The following NKX3-2 variants were observed in gnomAD, a reference collection of about 807,000 sequenced individuals.
The protein encoded by NKX3-2 is NK3 homeobox 2, also known as homeobox protein Nkx-3.2.
NKX3-2 carries 13 observed loss-of-function variants against 19.4 expected under a neutral mutation model. That is an observed-to-expected ratio of 0.67 (90% CI 0.44 to 1.07). NKX3-2 has a LOEUF of 1.07. Among genes scored for constraint, NKX3-2 ranks in the 50% least tolerant of loss-of-function variants. NKX3-2 has a pLI of 0.00. For synonymous variants in NKX3-2, 269 were observed against 230.5 expected, an observed-to-expected ratio of 1.17 and a Z score of -1.51; for missense variants, 562 against 488.2, an observed-to-expected ratio of 1.15 and a Z score of -1.42.
At chr4:13,547,483 G>T (rs144248652), upstream of NKX3-2, 2,922 of 271,748 alleles carry the variant, frequency 0.011, 29 homozygotes, top group Non-Finnish European at 0.014. Context: ...CAGCGTCCGC[G>T]CCTCTCTACC....
At chr4:13,544,742 A>G (rs1252355655), upstream of NKX3-2, 5 of 179,766 alleles carry the variant, frequency 2.8e-5, no homozygotes, top group African/African-American at 4.7e-5. Context: ...GGGGGACGTG[A>G]AGGAGGATTG....
upstream of NKX3-2, chr4:13,546,930 G>A (rs953036419): frequency 2.2e-5 from 10 of 456,208 alleles, no homozygotes; most frequent in African/African-American, 2.0e-4. Flanking sequence ...TGTCCCAGGA[G>A]TGTGAGAAAG....
rs1452820496 is a variant in NKX3-2 at position 13,544,114 on chromosome 4, TCTC to T, written c.298_300del (p.Glu100del). On this transcript the variant is annotated inframe_deletion, in exon 1 of 2. Transcript: ENST00000382438. ...TCCGCGCAGCGCCGCCTGCTCTCGTTCTCCTCGCTGAGCGCGGAGTCCGAGTCC... is the reference window on the plus strand; with the variant it reads ...TCCGCGCAGCGCCGCCTGCTCTCGTTCTCGCTGAGCGCGGAGTCCGAGTCC... 6.2e-7 allele frequency: 1 copy of T among 1,600,794 alleles called. No homozygotes were observed. The highest frequency in any genetic ancestry group is 8.5e-7 in the Non-Finnish European group (1 of 1,176,148).
chr4:13,544,225 C>G lies in NKX3-2; in HGVS notation c.190G>C (p.Gly64Arg), dbSNP rs202195290. 3,932 of 1,591,770 alleles carry G rather than the reference C, an allele frequency of 2.5e-3. 9 individuals carry two copies. The highest frequency in any genetic ancestry group is 2.7e-3 in the Non-Finnish European group (3,193 of 1,176,344). Residue 64 changes from glycine (G) to arginine (R), a missense_variant, in exon 1 of 2, where the codon GGG becomes CGG. By Grantham distance (125) the Gly-to-Arg change is moderately radical (BLOSUM62 -2). Coordinates refer to ENST00000382438, the MANE Select transcript of NKX3-2 (RefSeq NM_001189.4). ...LFGERDAGAL[G>R]GAEDSLLASP... ...GCCAGCAGAGAGTCCTCGGCGCCCC[C>G]CAACGCGCCCGCGTCCCTCTCCCCA...
Position 13,542,537 on chromosome 4 carries a change from C to G in NKX3-2, c.467-9G>C, listed in dbSNP as rs1450545860. ...CCTTGGGCTGCGGTCGCCTGCGGAC[C>G]CCGGTGGGAACAGAAACAAGAGACT... is the stretch of plus-strand genomic sequence containing the variant. On this transcript the variant is annotated splice_polypyrimidine_tract_variant and intron_variant, in intron 1 of 1. Transcript: ENST00000382438. The surrounding 1 kb of genome is among the most constrained non-coding windows in gnomAD (Gnocchi z 6.4). 4 of 1,596,376 alleles carry G rather than the reference C, an allele frequency of 2.5e-6. No individual in the cohort carries two copies. The South Asian group carries it at 3.3e-5, about 13-fold the overall frequency.
chr4:13,541,639 G>A lies in NKX3-2; in HGVS notation c.*354C>T. 1 of 256,326 alleles carries A rather than the reference G, an allele frequency of 3.9e-6. No individual in the cohort carries two copies. The highest frequency in any genetic ancestry group is 7.4e-6 in the Non-Finnish European group (1 of 134,444). The allele number at this position is 256,326 out of a possible 1,614,324, so 15.9% of individuals were successfully genotyped here. On this transcript the variant is annotated 3_prime_UTR_variant, in exon 2 of 2. Transcript: ENST00000382438. ...AAATTCTGAGGATTCAGGCTATGTG[G>A]TCTCCAGGAGTTGCCGCTCAGGGAA...
chr4:13,541,899 G>T lies in NKX3-2; in HGVS notation c.*94C>A. On this transcript the variant is annotated 3_prime_UTR_variant, in exon 2 of 2. Transcript: ENST00000382438. ...GGGTTTCACCTCCAGGTGCCTCCTT[G>T]GCGGGGCGCCCCGTGCAGGCTACAG... The T allele has an allele frequency of 6.6e-7, 1 of 1,511,472 alleles. No individual in the cohort carries two copies. Among genetic ancestry groups the T allele is most frequent in the Non-Finnish European group, 8.9e-7 (1 of 1,123,090 alleles). The allele number at this position is 1,511,472 out of a possible 1,614,324, so 93.6% of individuals were successfully genotyped here.
In NKX3-2 at chr4:13,541,898, T is replaced by C. The variant is rs191302851; in HGVS notation, c.*95A>G. 6.6e-7 allele frequency: 1 copy of C among 1,512,174 alleles called. No individual in the cohort carries two copies. The highest frequency in any genetic ancestry group is 1.4e-5 in the African/African-American group (1 of 72,226). The allele number at this position is 1,512,174 out of a possible 1,614,324, so 93.7% of individuals were successfully genotyped here. A position where few individuals can be genotyped will look rare whatever the true frequency, so the allele number is the denominator to read the frequency against. On this transcript the variant is annotated 3_prime_UTR_variant, in exon 2 of 2. Transcript: ENST00000382438. ...TGGGTTTCACCTCCAGGTGCCTCCT[T>C]GGCGGGGCGCCCCGTGCAGGCTACA...
chr4:13,544,423 C>A lies in NKX3-2; in HGVS notation c.-9G>T. The A allele has an allele frequency of 6.7e-7, 1 of 1,492,296 alleles. No homozygotes were observed. Among genetic ancestry groups the A allele is most frequent in the Non-Finnish European group, 8.9e-7 (1 of 1,129,724 alleles). 92.4% of individuals were successfully genotyped at this position (1,492,296 alleles called of 1,614,324 possible). ...GCGCCGCGCACAGCCATCTGCGCCGCGGGCAGGAGCGGCCGGCGGGGCGGG... is the reference window on the plus strand; with the variant it reads ...GCGCCGCGCACAGCCATCTGCGCCGAGGGCAGGAGCGGCCGGCGGGGCGGG... On this transcript the variant is annotated 5_prime_UTR_variant, in exon 1 of 2. Transcript: ENST00000382438.
chr4:13,544,338 C>G lies in NKX3-2; in HGVS notation c.77G>C (p.Gly26Ala), dbSNP rs1045741664. Residue 26 changes from glycine (G) to alanine (A), a missense_variant, in exon 1 of 2, where the codon GGG (glycine) becomes GCG (alanine). Gly to Ala is a moderately conservative substitution (Grantham distance 60). Transcript: ENST00000382438. ...CGGGCGCCCCTCTGGCGCGGCCAGC[C>G]CGCCGCGCTCCTCTTTCTTGTTGAG... Reference protein sequence around the residue: ...AILNKKEERGGLAAPEGRPAP... With the variant: ...AILNKKEERGALAAPEGRPAP... 6.5e-7 allele frequency: 1 copy of G among 1,533,440 alleles called. No homozygotes were observed. Among genetic ancestry groups the G allele is most frequent in the Non-Finnish European group, 8.7e-7 (1 of 1,147,928 alleles). The allele number at this position is 1,533,440 out of a possible 1,614,324, so 95.0% of individuals were successfully genotyped here.
In NKX3-2 at chr4:13,541,825, C is replaced by T. The variant is rs1056605836; in HGVS notation, c.*168G>A. 5.5e-6 allele frequency: 6 copies of T among 1,098,144 alleles called. No individual in the cohort carries two copies. Among genetic ancestry groups the T allele is most frequent in the Admixed American group, 5.3e-5 (2 of 37,968 alleles). The allele number at this position is 1,098,144 out of a possible 1,614,324, so 68.0% of individuals were successfully genotyped here. Reference sequence around the variant, plus strand: ...GAAAAAGGCGCCCCCTCAGGGCAGACTCAGCCCAGCTGCCAGGGGACAAGT... The same window carrying T: ...GAAAAAGGCGCCCCCTCAGGGCAGATTCAGCCCAGCTGCCAGGGGACAAGT... On this transcript the variant is annotated 3_prime_UTR_variant, in exon 2 of 2. Coordinates refer to ENST00000382438, the MANE Select transcript of NKX3-2 (RefSeq NM_001189.4).
rs578034087 is a variant in NKX3-2, at chr4:13,542,967, G to A, written c.467-439C>T. ...CACACGCACACACGCGCGCGTCCTC[G>A]CAGCACACACTTGTCTGGTGCAGGT... On this transcript the variant is annotated intron_variant, in intron 1 of 1. Transcript: ENST00000382438. This position sits in a 1 kb window ranked among gnomAD's most constrained non-coding sequence, Gnocchi z 6.4. Among the ~76,000 whole-genome samples the A allele has an allele frequency of 2.6e-5, 4 of 152,082 alleles. No individual in the cohort carries two copies. Among genetic ancestry groups the A allele is most frequent in the East Asian group, 3.9e-4 (2 of 5,114 alleles).
upstream of NKX3-2, among the ~76,000 whole-genome samples, chr4:13,545,602 G>A (rs1219901919): frequency 6.6e-6 from 1 of 152,052 alleles, no homozygotes; most frequent in African/African-American, 2.4e-5. Context: ...ATAAAAAAAT[G>A]GTATAGTTAG....
Position 13,541,644 on chromosome 4 carries a change from C to A in NKX3-2, c.*349G>T. 1 of 272,128 alleles carries A rather than the reference C, an allele frequency of 3.7e-6. No homozygotes were observed. The highest frequency in any genetic ancestry group is 6.9e-6 in the Non-Finnish European group (1 of 144,026). 16.9% of individuals were successfully genotyped at this position (272,128 alleles called of 1,614,324 possible). On this transcript the variant is annotated 3_prime_UTR_variant, in exon 2 of 2. Transcript: ENST00000382438. Reference sequence around the variant, plus strand: ...CTGAGGATTCAGGCTATGTGGTCTCCAGGAGTTGCCGCTCAGGGAAAACCC... The same window carrying A: ...CTGAGGATTCAGGCTATGTGGTCTCAAGGAGTTGCCGCTCAGGGAAAACCC...
rs1718008907 is a variant in NKX3-2, at chr4:13,542,309, C to T, written c.686G>A (p.Arg229His). Residue 229 changes from arginine (R) to histidine (H), a missense_variant, in exon 2 of 2, where the codon CGC becomes CAC. By Grantham distance (29) the Arg-to-His change is conservative. Coordinates refer to ENST00000382438, the MANE Select transcript of NKX3-2 (RefSeq NM_001189.4). This position sits in a 1 kb window ranked among gnomAD's most constrained non-coding sequence, Gnocchi z 6.4. ...FELERRFNHQ[R>H]YLSGPERADL... Reference sequence around the variant, plus strand: ...TGCGCGCTCGGGCCCGGACAGGTAGCGCTGGTGGTTAAAGCGGCGCTCCAG... The same window carrying T: ...TGCGCGCTCGGGCCCGGACAGGTAGTGCTGGTGGTTAAAGCGGCGCTCCAG... 1 of 1,601,918 alleles carries T rather than the reference C, an allele frequency of 6.2e-7. No homozygotes were observed. The highest frequency in any genetic ancestry group is 8.5e-7 in the Non-Finnish European group (1 of 1,175,528).
At chr4:13,544,945 C>T (rs1474418827), upstream of NKX3-2, 3 of 152,258 alleles carry the variant, frequency 2.0e-5, no homozygotes, top group African/African-American at 4.8e-5. Context: ...CGGCCGCGGC[C>T]GCTGGATTCC....
In NKX3-2 at chr4:13,542,001, T is replaced by A. The variant is rs779502099; in HGVS notation, c.994A>T (p.Thr332Ser). The change falls in exon 2 of 2, where the codon ACC (threonine) becomes TCC (serine). Residue 332 changes from threonine to serine, a missense_variant. Coordinates refer to ENST00000382438, the MANE Select transcript of NKX3-2 (RefSeq NM_001189.4). The surrounding 1 kb of genome is among the most constrained non-coding windows in gnomAD (Gnocchi z 6.4). ...CCTCAGCCCAAGCGGGTTCACTGGG[T>A]GCCTGCGGCAGCTGCGCAGGTGGAG... ...ALSTCAAAAG[T>S]Q is the part of the protein sequence containing the mutation. 1 of 1,586,506 alleles carries A rather than the reference T, an allele frequency of 6.3e-7. No individual in the cohort carries two copies. The highest frequency in any genetic ancestry group is 1.1e-5 in the South Asian group (1 of 87,212).
Position 13,544,092 on chromosome 4 carries a change from G to A in NKX3-2, c.323C>T (p.Ala108Val), listed in dbSNP as rs202191746. The change falls in exon 1 of 2, where the codon GCG (alanine) becomes GTG (valine). Residue 108 changes from alanine to valine, a missense_variant. Ala to Val is a moderately conservative substitution (Grantham distance 64). Coordinates refer to ENST00000382438, the MANE Select transcript of NKX3-2 (RefSeq NM_001189.4). ...SEENESRRRCADARGASGAGL... is the reference protein window; with the variant it reads ...SEENESRRRCVDARGASGAGL... ...GGCCCCGCTGGCCCCCCGCGCGTCC[G>A]CGCAGCGCCGCCTGCTCTCGTTCTC... is the stretch of plus-strand genomic sequence containing the variant. 3 of 1,589,114 alleles carry A rather than the reference G, an allele frequency of 1.9e-6. No individual in the cohort carries two copies. Among genetic ancestry groups the A allele is most frequent in the Non-Finnish European group, 2.6e-6 (3 of 1,170,524 alleles).
chr4:13,547,038 T>C, upstream of NKX3-2: 1 of 456,238 alleles, frequency 2.2e-6, no homozygotes, highest in Non-Finnish European at 4.4e-6. Context: ...GGTCTGTGGG[T>C]GACTGTAGGC....
Sources: allele counts gnomAD v4.1 joint callset (sites outside exome capture counted in the v4.1 genomes callset), GRCh38; gene constraint gnomAD v4.1.1; non-coding constraint Gnocchi (gnomAD v3.1); transcripts MANE v1.5; gene names NCBI Gene and HGNC (gene_info 2026-07-23, HGNC 2026-07-21).